Variants in SLIT2 observed in about 807,000 individuals in gnomAD.
SLIT2 encodes slit homolog 2 protein.
A neutral mutation model predicts 185.7 loss-of-function variants in SLIT2; 41 were observed. That is an observed-to-expected ratio of 0.22 (90% CI 0.17 to 0.29). SLIT2 has a LOEUF of 0.29. Ranked by LOEUF, SLIT2 falls within the 10% of genes least tolerant of loss-of-function variation. The pLI is 1.00. For synonymous variants in SLIT2, 693 were observed against 680.2 expected, an observed-to-expected ratio of 1.02 and a Z score of -0.29; for missense variants, 1,571 against 1,909.0, an observed-to-expected ratio of 0.82 and a Z score of 3.30.
chr4:20,567,693 C>A, intron 28 of SLIT2, 78 bp downstream of exon 28: 3 of 1,102,022 alleles, frequency 2.7e-6, no homozygotes, highest in African/African-American at 1.5e-5. Flanking sequence ...TTTTCCTTTT[C>A]AAATCAAAGG....
chr4:20,552,682 T>C (rs959979013), intron 25 of SLIT2: 1 of 152,142 alleles, frequency 6.6e-6, no homozygotes, highest in African/African-American at 2.4e-5. Flanking sequence ...CATTAAAACT[T>C]CCACAGTATC....
At chr4:20,352,211 C>A (rs1721940211) in intron 4 of SLIT2, among the ~76,000 whole-genome samples, 1 of 152,160 alleles carries the variant, frequency 6.6e-6, no homozygotes, top group African/African-American at 2.4e-5. Context: ...AACTTAAAAT[C>A]ATCACTGTAA....
At chr4:20,363,549 C>G (rs1403797134) in intron 4 of SLIT2, among the ~76,000 whole-genome samples, 2 of 152,042 alleles carry the variant, frequency 1.3e-5, no homozygotes, top group Non-Finnish European at 2.9e-5. Context: ...CAATGTATTT[C>G]TAATCAGAAT....
intron 4 of SLIT2, among the ~76,000 whole-genome samples, chr4:20,371,988 T>C (rs1723618491): frequency 6.6e-6 from 1 of 152,080 alleles, no homozygotes; most frequent in Non-Finnish European, 1.5e-5. Flanking sequence ...AATATGTTTT[T>C]AACAAAAAGA....
At chr4:20,486,603 A>G (rs1717266910) in intron 7 of SLIT2, among the ~76,000 whole-genome samples, 1 of 152,154 alleles carries the variant, frequency 6.6e-6, no homozygotes, top group Non-Finnish European at 1.5e-5. Flanking sequence ...TTATGATTTT[A>G]TTACTGTACT....
rs1401128709 is a variant in SLIT2 at position 20,388,984 on chromosome 4, ATG to A, written c.396-78766_396-78765del. On this transcript the variant is annotated intron_variant, in intron 4 of 36. Coordinates refer to ENST00000504154, the MANE Select transcript of SLIT2 (RefSeq NM_004787.4). ...AAAAAATATATGTCAAAATATATAT[ATG>A]TATATAGGAGATATGAACAAAGTCA... is the stretch of plus-strand genomic sequence containing the variant. Among the ~76,000 whole-genome samples the A allele has an allele frequency of 2.7e-5, 4 of 148,042 alleles. No homozygotes were observed. The East Asian group carries it at 7.8e-4, about 29-fold the overall frequency.
intron 4 of SLIT2, among the ~76,000 whole-genome samples, chr4:20,415,435 G>T (rs934127058): frequency 5.8e-5 from 8 of 138,200 alleles, no homozygotes; most frequent in South Asian, 2.3e-4. Context: ...AAAAAAAAAG[G>T]CTTTATAAAT....
chr4:20,610,567 T>C (rs1481158270), intron 34 of SLIT2, among the ~76,000 whole-genome samples: 1 of 152,160 alleles, frequency 6.6e-6, no homozygotes, highest in Non-Finnish European at 1.5e-5. Context: ...GGAAAGTAGA[T>C]GACCCCACCC....
chr4:20,342,282 T>C (rs891014929), intron 4 of SLIT2, among the ~76,000 whole-genome samples: 2 of 152,250 alleles, frequency 1.3e-5, no homozygotes, highest in East Asian at 1.9e-4. Context: ...ATTTTACTAA[T>C]AGACACATTA....
Position 20,595,810 on chromosome 4 carries a change from C to A in SLIT2, c.3296C>A (p.Thr1099Lys), listed in dbSNP as rs757036981. ...AHCTDAVNGY[T>K]CICPEGYSGL... ...TGCACAGATGCAGTGAACGGCTATA[C>A]GTGCATATGCCCCGAAGGTTACAGG... is the stretch of plus-strand genomic sequence containing the variant. Residue 1099 changes from threonine (T) to lysine (K), a missense_variant, in exon 31 of 37, where the codon ACG becomes AAG. Thr to Lys is a moderately conservative substitution (Grantham distance 78, BLOSUM62 -1). Around this residue, in one of 3 missense-constraint regions of SLIT2, gnomAD observed 1,202 missense variants for 1,416.4 expected, o/e 0.85. Transcript: ENST00000504154. The A allele has an allele frequency of 3.7e-6, 6 of 1,613,860 alleles. No individual in the cohort carries two copies. In the African/African-American group the frequency reaches 5.3e-5, roughly 14 times the overall value.
chr4:20,271,206 AT>A (rs1329075645), intron 4 of SLIT2, among the ~76,000 whole-genome samples: 3 of 151,572 alleles, frequency 2.0e-5, no homozygotes, highest in Non-Finnish European at 2.9e-5. Context: ...TTAAAAACAT[AT>A]TTTTTTCACA....
intron 4 of SLIT2, among the ~76,000 whole-genome samples, chr4:20,316,644 T>C (rs1718614549): frequency 1.3e-5 from 2 of 151,630 alleles, no homozygotes; most frequent in South Asian, 4.1e-4. Flanking sequence ...ATTATATTTA[T>C]ATATAAATAT....
chr4:20,497,173 A>G (rs1718298558), intron 9 of SLIT2, among the ~76,000 whole-genome samples: 2 of 151,740 alleles, frequency 1.3e-5, no homozygotes, highest in African/African-American at 4.8e-5. Flanking sequence ...ATCTTTCTCT[A>G]CAGTCATATT....
At chr4:20,583,939 G>A (rs1250991940) in intron 29 of SLIT2, among the ~76,000 whole-genome samples, 3 of 152,036 alleles carry the variant, frequency 2.0e-5, no homozygotes, top group African/African-American at 4.8e-5. Flanking sequence ...GTGCATTGAG[G>A]TTTCTTCCTC....
intron 4 of SLIT2, among the ~76,000 whole-genome samples, chr4:20,275,848 T>A (rs1714122044): frequency 6.6e-6 from 1 of 152,144 alleles, no homozygotes; most frequent in Admixed American, 6.5e-5. Context: ...GATTGCTGTT[T>A]TAATGATGTG....
intron 6 of SLIT2, among the ~76,000 whole-genome samples, chr4:20,482,956 A>G (rs1038172724): frequency 6.6e-5 from 10 of 152,106 alleles, no homozygotes; most frequent in African/African-American, 2.2e-4. Flanking sequence ...TGTGAAATAC[A>G]ACAAAAGTTT....
At chr4:20,304,693 G>A (rs967624812) in intron 4 of SLIT2, among the ~76,000 whole-genome samples, 12 of 152,104 alleles carry the variant, frequency 7.9e-5, no homozygotes, top group African/African-American at 2.9e-4. Flanking sequence ...AAATGGAGAT[G>A]CAGAGCTTAC....
intron 4 of SLIT2, among the ~76,000 whole-genome samples, chr4:20,410,631 A>C (rs746087789): frequency 6.6e-6 from 1 of 151,942 alleles, no homozygotes; most frequent in Admixed American, 6.6e-5. Flanking sequence ...AATTTTCTAC[A>C]TGTGGCTAGC....
intron 21 of SLIT2, among the ~76,000 whole-genome samples, chr4:20,543,095 C>A (rs1039126464): frequency 1.3e-5 from 2 of 151,688 alleles, no homozygotes; most frequent in African/African-American, 2.4e-5. Flanking sequence ...ACCTCTGTGA[C>A]CCCTAGGAGA....
Sources: allele counts gnomAD v4.1 joint callset (sites outside exome capture counted in the v4.1 genomes callset), GRCh38; gene constraint gnomAD v4.1.1; regional missense constraint gnomAD v4.1.1; transcripts MANE v1.5; gene names NCBI Gene and HGNC (gene_info 2026-07-23, HGNC 2026-07-21).